Variants in LHFPL3 observed in about 807,000 individuals in gnomAD.
The protein encoded by LHFPL3 is LHFPL tetraspan subfamily member 3.
LHFPL3 carries 5 observed loss-of-function variants against 19.3 expected under a neutral mutation model. The observed-to-expected ratio is 0.26, with a 90% CI of 0.14 to 0.54. The LOEUF is 0.54. Ranked by LOEUF, LHFPL3 falls within the 20% of genes least tolerant of loss-of-function variation. The probability of loss-of-function intolerance (pLI) is 0.94; values close to 1 mark genes in which losing one functional copy is unlikely to be tolerated. For synonymous variants in LHFPL3, 133 were observed against 126.2 expected (o/e 1.05, Z -0.36); for missense variants, 249 against 307.4 (o/e 0.81, Z 1.42).
intron 1 of LHFPL3, among the ~76,000 whole-genome samples, chr7:104,693,599 G>T (rs1214638232): frequency 6.6e-6 from 1 of 152,010 alleles, no homozygotes; most frequent in Non-Finnish European, 1.5e-5. Flanking sequence ...TCTCTTCTCT[G>T]CTGCCCTGTG....
intron 1 of LHFPL3, among the ~76,000 whole-genome samples, chr7:104,333,583 G>A (rs1335932543): frequency 6.6e-6 from 1 of 152,166 alleles, no homozygotes; most frequent in Non-Finnish European, 1.5e-5. Context: ...TAGCCTCCTA[G>A]ATTTAGTTCT....
chr7:104,770,830 T>C (rs1224891658), intron 2 of LHFPL3, among the ~76,000 whole-genome samples: 1 of 152,240 alleles, frequency 6.6e-6, no homozygotes, highest in Non-Finnish European at 1.5e-5. Flanking sequence ...TCTGTGTTTT[T>C]GTTAACTCAG....
chr7:104,525,589 G>T (rs560917996), intron 1 of LHFPL3, among the ~76,000 whole-genome samples: 1 of 143,976 alleles, frequency 6.9e-6, no homozygotes, highest in East Asian at 2.1e-4. Flanking sequence ...TATCTTCTTG[G>T]TTTTTTTGTT....
chr7:104,597,380 T>G (rs1405529019), intron 1 of LHFPL3, among the ~76,000 whole-genome samples: 2 of 152,240 alleles, frequency 1.3e-5, no homozygotes, highest in Admixed American at 1.3e-4. Context: ...ACTGAATCAT[T>G]AAGTGCTTTA....
intron 2 of LHFPL3, among the ~76,000 whole-genome samples, chr7:104,839,640 G>A (rs1457417805): frequency 6.6e-6 from 1 of 152,014 alleles, no homozygotes; most frequent in Non-Finnish European, 1.5e-5. Context: ...CTGCACTCTA[G>A]CCTGGGCAAC....
intron 1 of LHFPL3, among the ~76,000 whole-genome samples, chr7:104,348,274 A>G (rs1228413161): frequency 6.6e-6 from 1 of 151,922 alleles, no homozygotes; most frequent in Non-Finnish European, 1.5e-5. Context: ...AATTCCAGCT[A>G]TTGGAGGCTG....
chr7:104,589,996 C>T (rs975975478), intron 1 of LHFPL3, among the ~76,000 whole-genome samples: 14 of 152,098 alleles, frequency 9.2e-5, no homozygotes, highest in African/African-American at 3.4e-4. Context: ...TTTGATTCTT[C>T]TCTCTTTTAT....
chr7:104,588,469 G>T (rs764022741), intron 1 of LHFPL3, among the ~76,000 whole-genome samples: 1 of 152,122 alleles, frequency 6.6e-6, no homozygotes, highest in African/African-American at 2.4e-5. Flanking sequence ...CTGTTCCATT[G>T]ATCTATATCT....
At chr7:104,645,820 C>G (rs1434765273) in intron 1 of LHFPL3, among the ~76,000 whole-genome samples, 1 of 151,922 alleles carries the variant, frequency 6.6e-6, no homozygotes, top group Non-Finnish European at 1.5e-5. Context: ...GCCACCACAC[C>G]TGGCTAATTT....
chr7:104,675,663 A>C (rs1792576108), intron 1 of LHFPL3, among the ~76,000 whole-genome samples: 1 of 152,184 alleles, frequency 6.6e-6, no homozygotes, highest in African/African-American at 2.4e-5. Flanking sequence ...TCACATTTTG[A>C]GTTGATTTTG....
At position 104,731,356 on chromosome 7, in the gene LHFPL3, G is replaced by A. The variant is rs981059972; in HGVS notation, c.446-5319G>A. ...GATATTGATTCTTCCTATCCATGAG[G>A]ATGGAATGTTCTTCCATTTGTTTGT... is the stretch of plus-strand genomic sequence containing the variant. On this transcript the variant is annotated intron_variant, in intron 1 of 2. Transcript: ENST00000424859. Among the ~76,000 whole-genome samples the A allele has an allele frequency of 5.9e-5, 9 of 152,162 alleles. No individual in the cohort carries two copies. The East Asian group carries it at 1.2e-3, about 20-fold the overall frequency.
intron 1 of LHFPL3, among the ~76,000 whole-genome samples, chr7:104,467,243 T>C (rs1295933745): frequency 2.0e-5 from 3 of 152,182 alleles, no homozygotes; most frequent in Non-Finnish European, 4.4e-5. Context: ...CTATCTCACA[T>C]GTTTGGTGCA....
At chr7:104,595,165 A>G (rs549614628) in intron 1 of LHFPL3, among the ~76,000 whole-genome samples, 1 of 152,280 alleles carries the variant, frequency 6.6e-6, no homozygotes, top group African/African-American at 2.4e-5. Context: ...GTTTCTCCCC[A>G]TCTTTGTGGT....
chr7:104,461,414 C>A (rs1266429811), intron 1 of LHFPL3, among the ~76,000 whole-genome samples: 1 of 152,220 alleles, frequency 6.6e-6, no homozygotes, highest in Non-Finnish European at 1.5e-5. Context: ...TTTCAATCAT[C>A]TGCATATGAC....
At chr7:104,342,731 C>T (rs541456067) in intron 1 of LHFPL3, among the ~76,000 whole-genome samples, 2 of 152,324 alleles carry the variant, frequency 1.3e-5, no homozygotes, top group East Asian at 1.9e-4. Flanking sequence ...TTTTAAGCCT[C>T]ACCAGAATTT....
At chr7:104,864,314 G>T (rs1386820684) in intron 2 of LHFPL3, among the ~76,000 whole-genome samples, 1 of 152,150 alleles carries the variant, frequency 6.6e-6, no homozygotes, top group Non-Finnish European at 1.5e-5. Flanking sequence ...GCAGGGCGAG[G>T]CATTGCCTCA....
At chr7:104,827,925 C>T (rs1251681314) in intron 2 of LHFPL3, among the ~76,000 whole-genome samples, 1 of 151,896 alleles carries the variant, frequency 6.6e-6, no homozygotes, top group African/African-American at 2.4e-5. Context: ...TAGCCCTTTG[C>T]AGATTTGAAA....
At chr7:104,829,606 T>G (rs1213817248) in intron 2 of LHFPL3, among the ~76,000 whole-genome samples, 4 of 151,678 alleles carry the variant, frequency 2.6e-5, no homozygotes, top group African/African-American at 9.7e-5. Context: ...TTGCAATAGT[T>G]TGCTGAGAAT....
intron 1 of LHFPL3, among the ~76,000 whole-genome samples, chr7:104,579,044 CA>C (rs1359022878): frequency 6.6e-6 from 1 of 152,116 alleles, no homozygotes; most frequent in Non-Finnish European, 1.5e-5. Flanking sequence ...GCTTATGGTA[CA>C]AAACATACTG....
Sources: allele counts gnomAD v4.1 joint callset (sites outside exome capture counted in the v4.1 genomes callset), GRCh38; gene constraint gnomAD v4.1.1; transcripts MANE v1.5; gene names NCBI Gene and HGNC (gene_info 2026-07-23, HGNC 2026-07-21).